MAPK10: variants seen among roughly 807,000 people sequenced by gnomAD.
MAPK10 encodes JNK3 alpha protein kinase.
In MAPK10, 25 loss-of-function variants were observed where a neutral mutation model predicts 59.3. The ratio of observed to expected loss-of-function variants is 0.42; its 90% CI spans 0.31 to 0.59. The LOEUF (loss-of-function observed/expected upper bound fraction) is 0.59. Ranked by LOEUF, MAPK10 falls within the 20% of genes least tolerant of loss-of-function variation. MAPK10 has a pLI of 0.15. For synonymous variants in MAPK10, 190 were observed against 200.5 expected (o/e 0.95, Z 0.44); for missense variants, 351 against 568.9 (o/e 0.62, Z 3.90).
At chr4:86,453,950 AC>A (rs1435217322), upstream of MAPK10, among the ~76,000 whole-genome samples, 1 of 152,202 alleles carries the variant, frequency 6.6e-6, no homozygotes, top group Non-Finnish European at 1.5e-5. Context: ...CTCTGTGCAG[AC>A]AACCCCCAGT....
rs546158029 is a variant in MAPK10, at chr4:86,512,174, G to A, written c.-263+81736C>T. Among the ~76,000 whole-genome samples, 4 of 152,088 alleles carry A rather than the reference G, an allele frequency of 2.6e-5. No homozygotes were observed. In the East Asian group the frequency reaches 7.7e-4, roughly 29 times the overall value. ...AGCTATCTATAGTTTAAAGCAATACGGTAAAGCATACTTTTGAGAACAAAG... is the reference window on the plus strand; with the variant it reads ...AGCTATCTATAGTTTAAAGCAATACAGTAAAGCATACTTTTGAGAACAAAG... On this transcript the variant is annotated intron_variant, in intron 1 of 4. Coordinates refer to the MAPK10 transcript ENST00000502302.
intron 1 of MAPK10, among the ~76,000 whole-genome samples, chr4:86,581,826 G>GTATGTTCT (rs1437616404): frequency 1.4e-5 from 2 of 145,236 alleles, no homozygotes; most frequent in Non-Finnish European, 3.0e-5. Flanking sequence ...CAACTGAGCT[G>GTATGTTCT]TATGTTCTTA....
chr4:86,234,934 T>C (rs570655736), intron 2 of MAPK10, among the ~76,000 whole-genome samples: 2 of 152,278 alleles, frequency 1.3e-5, no homozygotes, highest in Admixed American at 6.5e-5. Context: ...CTAAAATACA[T>C]GCAGTAACGG....
At chr4:86,081,528 T>G (rs2050653153) in intron 9 of MAPK10, 1 of 151,948 alleles carries the variant, frequency 6.6e-6, no homozygotes, top group African/African-American at 2.4e-5. Flanking sequence ...GAAAAAAATG[T>G]GTTCATTCTT....
intron 1 of MAPK10, among the ~76,000 whole-genome samples, chr4:86,550,033 A>G (rs964626449): frequency 1.3e-5 from 2 of 152,186 alleles, no homozygotes; most frequent in East Asian, 3.8e-4. Flanking sequence ...TCAAGTAACC[A>G]TGACTTCCAG....
intron 1 of MAPK10, among the ~76,000 whole-genome samples, chr4:86,422,136 A>G (rs568297868): frequency 5.7e-4 from 86 of 151,986 alleles, no homozygotes; most frequent in African/African-American, 2.0e-3. Context: ...TTTTTTTTAC[A>G]TTATTTGAGT....
intron 2 of MAPK10, among the ~76,000 whole-genome samples, chr4:86,328,301 A>G (rs2096072889): frequency 6.6e-6 from 1 of 152,228 alleles, no homozygotes; most frequent in African/African-American, 2.4e-5. Flanking sequence ...TATAATGAAA[A>G]TACCATCTCA....
chr4:86,262,275 C>G (rs2094019251), intron 2 of MAPK10, among the ~76,000 whole-genome samples: 1 of 152,140 alleles, frequency 6.6e-6, no homozygotes, highest in Admixed American at 6.5e-5. Flanking sequence ...TTGCCTTCAG[C>G]CACAGGATGA....
intron 1 of MAPK10, among the ~76,000 whole-genome samples, chr4:86,535,007 TA>T (rs1202171536): frequency 6.6e-6 from 1 of 152,172 alleles, no homozygotes; most frequent in Non-Finnish European, 1.5e-5. Flanking sequence ...GAGCAAAGGA[TA>T]AAACGTCTGA....
Position 86,169,332 on chromosome 4 carries a change from T to C in MAPK10, c.67-9865A>G, listed in dbSNP as rs895875678. Among the ~76,000 whole-genome samples, 34 of 152,232 alleles carry C rather than the reference T, an allele frequency of 2.2e-4. No individual in the cohort carries two copies. In the Middle Eastern group the frequency reaches 0.01, roughly 46 times the overall value. On this transcript the variant is annotated intron_variant, in intron 3 of 13. Coordinates refer to ENST00000641462, the MANE Select transcript of MAPK10 (RefSeq NM_138982.4). ...AACCTTTGAAAAAAATTTAGACGAA[T>C]GTATAACTAGAATAACCAATACAGA...
At position 86,550,437 on chromosome 4, in the gene MAPK10, G is replaced by A. The variant is rs1237439043; in HGVS notation, c.-263+43473C>T. On this transcript the variant is annotated intron_variant, in intron 1 of 4. Transcript: ENST00000502302. ...CTCCAGGCCAGGCACAGTGGCTTAC[G>A]CCTGTAATCCCAGCACTTTGTGGGG... is the stretch of plus-strand genomic sequence containing the variant. Among the ~76,000 whole-genome samples the A allele has an allele frequency of 3.0e-5, 4 of 133,104 alleles. 1 individual carries two copies. The highest frequency in any genetic ancestry group is 9.5e-3 in the Middle Eastern group (2 of 210). 87.3% of individuals were successfully genotyped at this position (133,104 alleles called of 152,430 possible).
chr4:86,324,640 G>A (rs1425099672), intron 2 of MAPK10, among the ~76,000 whole-genome samples: 1 of 152,054 alleles, frequency 6.6e-6, no homozygotes, highest in Non-Finnish European at 1.5e-5. Context: ...AAATTATTAC[G>A]TTAAAAAGAA....
intron 5 of MAPK10, among the ~76,000 whole-genome samples, chr4:86,105,483 C>G (rs1285963492): frequency 6.6e-6 from 1 of 152,124 alleles, no homozygotes; most frequent in Admixed American, 6.6e-5. Context: ...TCAAACTGAC[C>G]AAGTAAGTGA....
intron 4 of MAPK10, among the ~76,000 whole-genome samples, chr4:86,158,520 A>G (rs2068533337): frequency 6.6e-6 from 1 of 151,888 alleles, no homozygotes; most frequent in Non-Finnish European, 1.5e-5. Flanking sequence ...AAATACACAT[A>G]TATAAATATA....
At chr4:86,108,207 T>C (rs1305756316) in intron 4 of MAPK10, among the ~76,000 whole-genome samples, 1 of 152,156 alleles carries the variant, frequency 6.6e-6, no homozygotes, top group Non-Finnish European at 1.5e-5. Flanking sequence ...AAATTTACAA[T>C]GCTTTGAAAA....
chr4:86,409,153 T>G (rs1469221168), intron 1 of MAPK10, among the ~76,000 whole-genome samples: 4 of 152,222 alleles, frequency 2.6e-5, no homozygotes, highest in African/African-American at 7.2e-5. Context: ...ATTTATTAAA[T>G]AGGGAATCCT....
chr4:86,547,142 G>C (rs1457976120), intron 1 of MAPK10, among the ~76,000 whole-genome samples: 2 of 152,242 alleles, frequency 1.3e-5, no homozygotes, highest in African/African-American at 4.8e-5. Flanking sequence ...GTGATAGTGA[G>C]AGGTGACAGC....
chr4:86,032,825 A>G (rs1242032426), intron 11 of MAPK10, among the ~76,000 whole-genome samples: 1 of 152,186 alleles, frequency 6.6e-6, no homozygotes, highest in East Asian at 1.9e-4. Context: ...ATAATACTGA[A>G]GTATTGAGAA....
At chr4:86,172,749 G>GA (rs949066985) in intron 3 of MAPK10, among the ~76,000 whole-genome samples, 1 of 147,298 alleles carries the variant, frequency 6.8e-6, no homozygotes, top group African/African-American at 2.5e-5. Context: ...AAAGAAACAT[G>GA]AAAAAAATAA....
Sources: allele counts gnomAD v4.1 joint callset (sites outside exome capture counted in the v4.1 genomes callset), GRCh38; gene constraint gnomAD v4.1.1; transcripts MANE v1.5; gene names NCBI Gene and HGNC (gene_info 2026-07-23, HGNC 2026-07-21).